SEH1L: variants seen among roughly 807,000 people sequenced by gnomAD.
SEH1L encodes nucleoporin SEH1.
Under a neutral mutation model 49.5 loss-of-function variants are expected in SEH1L, and 18 were observed. The ratio of observed to expected loss-of-function variants is 0.36; its 90% CI spans 0.25 to 0.54. The LOEUF (loss-of-function observed/expected upper bound fraction) is 0.54, where lower values mean the gene tolerates loss of function less well. Ranked by LOEUF, SEH1L falls within the 20% of genes least tolerant of loss-of-function variation. SEH1L has a pLI of 0.87. For missense variants in SEH1L, 404 were observed against 528.8 expected (o/e 0.76, Z 2.31); for synonymous variants, 169 against 178.1 (o/e 0.95, Z 0.41).
intron 5 of SEH1L, among the ~76,000 whole-genome samples, chr18:12,975,309 T>C (rs2031873002): frequency 6.6e-6 from 1 of 151,866 alleles, no homozygotes; most frequent in Non-Finnish European, 1.5e-5. Flanking sequence ...TTAATTACAA[T>C]ATATAGCTTG....
At chr18:12,982,855 G>T in intron 7 of SEH1L, 180 bp downstream of exon 7, 1 of 514,376 alleles carries the variant, frequency 1.9e-6, no homozygotes, top group Non-Finnish European at 3.4e-6. Flanking sequence ...TGACTGAATT[G>T]TTTTTTAAGT....
chr18:12,985,846 T>C (rs1194423148), intron 8 of SEH1L: 4 of 958,920 alleles, frequency 4.2e-6, no homozygotes, highest in East Asian at 2.3e-4. Context: ...AAAGTAGTAA[T>C]AGTAAAATGA....
Position 12,971,220 on chromosome 18 carries a change from G to A in SEH1L, c.589G>A (p.Val197Ile), listed in dbSNP as rs771878349. ...CAGTAGCCCCAACGCAATGGCCAAGGTTCAGATTTTTGAATATAATGAAAA... is the reference window on the plus strand; with the variant it reads ...CAGTAGCCCCAACGCAATGGCCAAGATTCAGATTTTTGAATATAATGAAAA... ...DDSSPNAMAK[V>I]QIFEYNENTR... The change falls in exon 5 of 9, where the codon GTT becomes ATT. Residue 197 changes from valine to isoleucine, a missense_variant. Around this residue, in one of 3 missense-constraint regions of SEH1L, gnomAD observed 342 missense variants for 430.8 expected, o/e 0.79. Transcript: ENST00000399892. The A allele has an allele frequency of 6.2e-7, 1 of 1,613,734 alleles. No individual in the cohort carries two copies.
chr18:12,984,377 A>G (rs1357346007), intron 8 of SEH1L, 187 bp downstream of exon 8: 1 of 623,204 alleles, frequency 1.6e-6, no homozygotes, highest in African/African-American at 1.8e-5. Context: ...ATTTGCAGGT[A>G]GGTTATGAAG....
At chr18:12,980,365 G>A (rs1365356914) in intron 6 of SEH1L, among the ~76,000 whole-genome samples, 2 of 125,200 alleles carry the variant, frequency 1.6e-5, no homozygotes, top group Non-Finnish European at 3.4e-5. Context: ...CTGGCAGGGC[G>A]GGGGGCTGAC....
chr18:12,952,469 G>A (rs2030601378), intron 2 of SEH1L, among the ~76,000 whole-genome samples: 1 of 152,102 alleles, frequency 6.6e-6, no homozygotes, highest in Non-Finnish European at 1.5e-5. Flanking sequence ...CTGACCTCAG[G>A]TGATCCTCCC....
chr18:12,986,475 T>A (rs1487254302), intron 8 of SEH1L: 1 of 987,206 alleles, frequency 1.0e-6, no homozygotes, highest in Non-Finnish European at 1.2e-6. Flanking sequence ...GAACCATTGC[T>A]TAAGATAAAA....
At chr18:12,985,004 C>A in intron 8 of SEH1L, 1 of 393,456 alleles carries the variant, frequency 2.5e-6, no homozygotes, top group South Asian at 6.9e-5. Flanking sequence ...TAAGTACATG[C>A]ATCAAAACAA....
chr18:12,960,201 A>C (rs1381707486), intron 3 of SEH1L, among the ~76,000 whole-genome samples: 2 of 152,248 alleles, frequency 1.3e-5, no homozygotes, highest in African/African-American at 4.8e-5. Context: ...CTTGATTGAC[A>C]AAGAAGCAGT....
rs775867104 is a variant in SEH1L at position 12,984,153 on chromosome 18, A to G, written c.1033A>G (p.Ser345Gly). ...SNPSLGSTIP[S>G]LQNSLNGSSA... ...TCCTTCCCTAGGTTCAACTATTCCA[A>G]GTCTTCAGAATTCATTAAATGGATC... Residue 345 changes from serine to glycine, a missense_variant, in exon 8 of 9, where the codon AGT becomes GGT. Around this residue, in one of 3 missense-constraint regions of SEH1L, gnomAD observed 342 missense variants for 430.8 expected, o/e 0.79. Transcript: ENST00000399892. 3.1e-6 allele frequency: 5 copies of G among 1,613,862 alleles called. No homozygotes were observed. Among genetic ancestry groups the G allele is most frequent in the African/African-American group, 1.3e-5 (1 of 74,936 alleles).
intron 3 of SEH1L, among the ~76,000 whole-genome samples, chr18:12,961,028 T>C (rs1343687019): frequency 6.6e-6 from 1 of 152,176 alleles, no homozygotes; most frequent in Non-Finnish European, 1.5e-5. Context: ...ATCTTGGACT[T>C]GGGTTGTTAC....
chr18:12,948,767 T>G (rs930219779), intron 1 of SEH1L: 1 of 152,426 alleles, frequency 6.6e-6, no homozygotes, highest in African/African-American at 2.4e-5. Context: ...TTTCCCTGCT[T>G]GCTGCCCAGG....
At position 12,978,747 on chromosome 18, in the gene SEH1L, A is replaced by G. The variant is rs2032030890; in HGVS notation, c.621-5A>G. ...AAATGTTAATGTCAATTGTTTTTCC[A>G]TTAGGAAATATGCAAAAGCTGAAAC... On this transcript the variant is annotated splice_region_variant and splice_polypyrimidine_tract_variant and intron_variant, in intron 5 of 8. Transcript: ENST00000399892. The G allele has an allele frequency of 5.6e-6, 9 of 1,603,516 alleles. No individual in the cohort carries two copies. Among genetic ancestry groups the G allele is most frequent in the Non-Finnish European group, 6.8e-6 (8 of 1,174,406 alleles).
rs1365183479 is a variant in SEH1L at position 12,963,193 on chromosome 18, T to A, written c.343T>A (p.Ser115Thr). ...GACAACTCTGGTGGATAGCAGAACA[T>A]CTGTTACTGATGTGAAGTTTGCTCC... ...KRTTLVDSRT[S>T]VTDVKFAPKH... The change falls in exon 4 of 9, where the codon TCT becomes ACT. Residue 115 changes from serine to threonine, a missense_variant. Physicochemically the swap from Ser to Thr is moderately conservative, Grantham distance 58. This residue lies in a region of SEH1L where 342 missense variants were observed against 430.8 expected (regional missense o/e 0.79). Transcript: ENST00000399892. 7 of 1,613,844 alleles carry A rather than the reference T, an allele frequency of 4.3e-6. No homozygotes were observed. Among genetic ancestry groups the A allele is most frequent in the Non-Finnish European group, 5.1e-6 (6 of 1,179,792 alleles).
At chr18:12,963,464 GCTT>G (rs2031289317) in intron 4 of SEH1L, 93 bp downstream of exon 4, 1 of 1,018,504 alleles carries the variant, frequency 9.8e-7, no homozygotes, top group South Asian at 1.4e-5. Flanking sequence ...TCTCAAAGGT[GCTT>G]CTTCTCAAGA....
chr18:12,984,967 G>A (rs62095826), intron 8 of SEH1L: 18,436 of 327,790 alleles, frequency 0.056, 920 homozygotes, highest in East Asian at 0.22. Flanking sequence ...TTTTCATAAA[G>A]AAGTTCTGCT....
At chr18:12,965,143 GCTGGGACTACAGGTGC>G (rs1339680991) in intron 4 of SEH1L, among the ~76,000 whole-genome samples, 1 of 149,770 alleles carries the variant, frequency 6.7e-6, no homozygotes, top group East Asian at 2.0e-4. Flanking sequence ...CACCTGAGTA[GCTGGGACTACAGGTGC>G]CTGCCACCAC....
At chr18:12,954,699 C>T (rs1283866462) in intron 2 of SEH1L, among the ~76,000 whole-genome samples, 1 of 152,160 alleles carries the variant, frequency 6.6e-6, no homozygotes, top group Non-Finnish European at 1.5e-5. Flanking sequence ...AACCCCTGGG[C>T]TCAAGCAGTC....
intron 5 of SEH1L, among the ~76,000 whole-genome samples, chr18:12,975,061 C>T (rs541810005): frequency 7.4e-5 from 11 of 149,428 alleles, no homozygotes; most frequent in South Asian, 2.1e-4. Context: ...GGTGTGATCT[C>T]GGCTCACCGT....
Sources: allele counts gnomAD v4.1 joint callset (sites outside exome capture counted in the v4.1 genomes callset), GRCh38; gene constraint gnomAD v4.1.1; regional missense constraint gnomAD v4.1.1; transcripts MANE v1.5; gene names NCBI Gene and HGNC (gene_info 2026-07-23, HGNC 2026-07-21).